Variants in MSL3 observed in about 807,000 individuals in gnomAD.
The protein encoded by MSL3 is MSL3-like 1.
Under a neutral mutation model 37.2 loss-of-function variants are expected in MSL3, and 5 were observed. The ratio of observed to expected loss-of-function variants is 0.13; its 90% CI spans 0.07 to 0.28. MSL3 has a LOEUF of 0.28. Among genes scored for constraint, MSL3 ranks in the 10% least tolerant of loss-of-function variants. The pLI, the probability that MSL3 is intolerant of heterozygous loss-of-function variation, is 1.00. For synonymous variants in MSL3, 149 were observed against 147.6 expected, an observed-to-expected ratio of 1.01 and a Z score of -0.07; for missense variants, 315 against 408.5, an observed-to-expected ratio of 0.77 and a Z score of 1.97.
intron 1 of MSL3, chrX:11,758,582 G>A: frequency 9.0e-7 from 1 of 1,115,968 alleles, no homozygotes; most frequent in Admixed American, 3.1e-5. Context: ...GCCGGGCGGC[G>A]CACGCGCGGT....
Position 11,765,676 on chromosome X carries a change from G to C in MSL3, c.1118G>C (p.Arg373Pro). The C allele has an allele frequency of 8.3e-7, 1 of 1,212,096 alleles. No homozygotes were observed. The highest frequency in any genetic ancestry group is 1.1e-6 in the Non-Finnish European group (1 of 895,525). The change falls in exon 9 of 13, where the codon CGG (arginine) becomes CCG (proline). Residue 373 changes from arginine (R) to proline (P), a missense_variant. Arg to Pro is a moderately radical substitution (Grantham distance 103). Transcript: ENST00000312196. ...AGCGCTTCACCTCAGCCCAAGCGCCGGCAGCAGGACACATCCGCCAGCATG... is the reference window on the plus strand; with the variant it reads ...AGCGCTTCACCTCAGCCCAAGCGCCCGCAGCAGGACACATCCGCCAGCATG... ...ESSASPQPKR[R>P]QQDTSASMPK...
intron 2 of MSL3, 177 bp from the exon 3 acceptor site, chrX:11,760,226 G>A (rs2053118191): frequency 2.6e-6 from 1 of 389,578 alleles, no homozygotes; most frequent in Admixed American, 5.1e-5. Context: ...AACCCCAGTT[G>A]TTTCTGTGTC....
intron 12 of MSL3, among the ~76,000 whole-genome samples, chrX:11,773,461 G>A (rs763005320): frequency 9.8e-5 from 11 of 112,262 alleles, no homozygotes; most frequent in African/African-American, 3.6e-4. Context: ...ACCACAGAGT[G>A]GAGAGTATCC....
intron 3 of MSL3, 37 bp downstream of exon 3, chrX:11,760,535 A>G (rs752759452): frequency 4.9e-6 from 5 of 1,014,017 alleles, no homozygotes; most frequent in South Asian, 4.5e-5. Context: ...ATGTTATCCA[A>G]TGTGTTTTCT....
At chrX:11,764,035 T>A (rs2053157745) in intron 8 of MSL3, 97 bp downstream of exon 8, 4 of 767,239 alleles carry the variant, frequency 5.2e-6, no homozygotes, top group Non-Finnish European at 7.4e-6. Context: ...TGGGCCAACA[T>A]GTTTGGAGGA....
chrX:11,772,184 A>G lies in MSL3; in HGVS notation c.1310A>G (p.Asn437Ser), dbSNP rs751687015. The stretch of plus-strand genomic sequence containing the variant: ...CTCTCCTGGAAGCTTGTGCCTGACA[A>G]TTACCCCCCAGGTGACCAGCCGCCT... Reference protein sequence around the residue: ...EVLSWKLVPDNYPPGDQPPPP... With the variant: ...EVLSWKLVPDSYPPGDQPPPP... Residue 437 changes from asparagine to serine, a missense_variant, in exon 11 of 13, where the codon AAT becomes AGT. Coordinates refer to ENST00000312196, the MANE Select transcript of MSL3 (RefSeq NM_078629.4). 1.3e-5 allele frequency: 16 copies of G among 1,209,689 alleles called. No individual in the cohort carries two copies. Among genetic ancestry groups the G allele is most frequent in the African/African-American group, 1.7e-5 (1 of 57,578 alleles).
rs925826045 is a variant in MSL3 at position 11,758,626 on chromosome X, G to C, written c.102+261G>C. The C allele has an allele frequency of 6.1e-6, 7 of 1,153,714 alleles. No homozygotes were observed. The African/African-American group carries it at 7.2e-5, about 12-fold the overall frequency. On this transcript the variant is annotated intron_variant, in intron 1 of 12. Transcript: ENST00000312196. ...TCGCCCATGCTTTGTCGCGTTACCGGGGCTACCGTTTGCGCCCCCGACTGC... is the reference window on the plus strand; with the variant it reads ...TCGCCCATGCTTTGTCGCGTTACCGCGGCTACCGTTTGCGCCCCCGACTGC...
At chrX:11,759,666 C>A (rs12014103) in intron 1 of MSL3, 127 bp from the exon 2 acceptor site, 3 of 1,126,972 alleles carry the variant, frequency 2.7e-6, no homozygotes, top group East Asian at 6.2e-5. Context: ...AATATTTCAA[C>A]CCGGCTGTCG....
rs145707061 is a variant in MSL3 at position 11,760,183 on chromosome X, A to C, written c.186-220A>C. The C allele has an allele frequency of 1.9e-3, 709 of 371,847 alleles. 5 individuals carry two copies. Among genetic ancestry groups the C allele is most frequent in the African/African-American group, 0.016 (606 of 38,572 alleles). 30.6% of individuals were successfully genotyped at this position (371,847 alleles called of 1,213,427 possible). On this transcript the variant is annotated intron_variant, in intron 2 of 12. Coordinates refer to ENST00000312196, the MANE Select transcript of MSL3 (RefSeq NM_078629.4). ...GTGACGAATAGTTACTTTTAAGTCG[A>C]TTGTATTTGGATTCTGTCTGGGTGA...
At chrX:11,764,238 C>T (rs1035881323) in intron 8 of MSL3, 7 of 184,023 alleles carry the variant, frequency 3.8e-5, no homozygotes, top group South Asian at 4.6e-4. Flanking sequence ...GAGCACAGGC[C>T]GGGGAGGGTG....
chrX:11,760,292 A>T, intron 2 of MSL3, 111 bp from the exon 3 acceptor site: 2 of 503,819 alleles, frequency 4.0e-6, no homozygotes, highest in East Asian at 3.9e-5. Context: ...TAAAATATTT[A>T]AATCGTTTTC....
chrX:11,768,201 C>T (rs2053202316), intron 9 of MSL3: 1 of 134,606 alleles, frequency 7.4e-6, no homozygotes, highest in African/African-American at 3.2e-5. Context: ...AACCCCATAC[C>T]CAGTAGCAAT....
chrX:11,765,861 T>C, intron 9 of MSL3, 132 bp downstream of exon 9: 1 of 1,116,846 alleles, frequency 9.0e-7, no homozygotes, highest in Non-Finnish European at 1.2e-6. Flanking sequence ...CAAAGTGCTG[T>C]CATGCTGCCT....
Position 11,758,339 on chromosome X carries a change from A to G in MSL3, c.76A>G (p.Lys26Glu). 8.8e-7 allele frequency: 1 copy of G among 1,132,709 alleles called. No individual in the cohort carries two copies. The highest frequency in any genetic ancestry group is 1.2e-6 in the Non-Finnish European group (1 of 853,407). The allele number at this position is 1,132,709 out of a possible 1,213,427, so 93.3% of individuals were successfully genotyped here. Residue 26 changes from lysine (K) to glutamate (E), a missense_variant, in exon 1 of 13, where the codon AAG (lysine) becomes GAG (glutamate). By Grantham distance (56) the Lys-to-Glu change is moderately conservative. Transcript: ENST00000312196. ...GCTGTGCTTCGAGCCTGACCCCACC[A>G]AGGCGCGAGTGCTGTACGATGCCAA... is the stretch of plus-strand genomic sequence containing the variant. ...KVLCFEPDPT[K>E]ARVLYDAKIV...
chrX:11,767,133 A>G (rs1406448856), intron 9 of MSL3: 1 of 754,045 alleles, frequency 1.3e-6, no homozygotes, highest in Non-Finnish European at 1.6e-6. Flanking sequence ...TGATTGTGTC[A>G]CCCCATCACA....
intron 2 of MSL3, 51 bp from the exon 3 acceptor site, chrX:11,760,352 G>A (rs6530452): frequency 7.7e-6 from 7 of 904,639 alleles, no homozygotes; most frequent in Admixed American, 2.7e-5. Context: ...ACTTTTAGTC[G>A]TTGTTTCATA....
chrX:11,775,398 C>A lies in MSL3; in HGVS notation c.*319C>A. ...AGACATTGCAGTTAGTTAGCAAGAA[C>A]CACATTGTCTCTTTATTTGTTAGCA... On this transcript the variant is annotated 3_prime_UTR_variant, in exon 13 of 13. Coordinates refer to ENST00000312196, the MANE Select transcript of MSL3 (RefSeq NM_078629.4). The A allele has an allele frequency of 5.3e-6, 1 of 189,058 alleles. No individual in the cohort carries two copies. Among genetic ancestry groups the A allele is most frequent in the Non-Finnish European group, 9.7e-6 (1 of 102,819 alleles). 15.6% of individuals were successfully genotyped at this position (189,058 alleles called of 1,213,427 possible). A position where few individuals can be genotyped will look rare whatever the true frequency, so the allele number is the denominator to read the frequency against.
upstream of MSL3, chrX:11,758,161 G>GGCCCCCC: frequency 5.0e-6 from 1 of 198,117 alleles, no homozygotes; most frequent in Non-Finnish European, 7.7e-6. Flanking sequence ...GCCATTCCCG[G>GGCCCCCC]CCCCCCCCGG....
At chrX:11,760,760 A>G in intron 3 of MSL3, 77 bp from the exon 4 acceptor site, 2 of 799,296 alleles carry the variant, frequency 2.5e-6, no homozygotes, top group Non-Finnish European at 3.5e-6. Flanking sequence ...TTCATTGTTT[A>G]TTATATCTTG....
Sources: gnomAD v4.1 joint callset for allele counts (sites outside exome capture counted in the v4.1 genomes callset) on GRCh38, gnomAD v4.1.1 for gene constraint, MANE v1.5 for transcripts, NCBI Gene and HGNC (gene_info 2026-07-23, HGNC 2026-07-21) for gene names.